Variants in GPR55 observed in about 807,000 individuals in gnomAD.
GPR55 encodes the protein G-protein coupled receptor 55.
GPR55 carries 6 observed loss-of-function variants against 7.9 expected under a neutral mutation model. That is an observed-to-expected ratio of 0.76 (90% CI 0.41 to 1.49). GPR55 has a LOEUF of 1.49. GPR55 is among the 40% of genes most tolerant of loss of function. The probability of loss-of-function intolerance (pLI) is 0.01; values close to 1 mark genes in which losing one functional copy is unlikely to be tolerated. For missense variants in GPR55, 376 were observed against 406.0 expected (o/e 0.93, Z 0.63); for synonymous variants, 183 against 166.8 (o/e 1.10, Z -0.75).
chr2:230,950,643 G>A (rs929510925), intron 1 of GPR55, among the ~76,000 whole-genome samples: 1 of 152,170 alleles, frequency 6.6e-6, no homozygotes, highest in Admixed American at 6.5e-5. Flanking sequence ...GTGGTGTTAT[G>A]ATAAGTACAC....
At chr2:230,937,078 T>G (rs1422343886) in intron 1 of GPR55, among the ~76,000 whole-genome samples, 1 of 152,056 alleles carries the variant, frequency 6.6e-6, no homozygotes, top group Non-Finnish European at 1.5e-5. Context: ...TGATTTTCAG[T>G]TGGGCTGTAC....
At chr2:230,957,633 A>T (rs1340562928) in intron 1 of GPR55, 24 of 490,922 alleles carry the variant, frequency 4.9e-5, no homozygotes, top group Non-Finnish European at 3.3e-5. Flanking sequence ...GCGAAGGGGA[A>T]GCTCTTTAAG....
chr2:230,915,930 A>C (rs1690703549), intron 1 of GPR55, among the ~76,000 whole-genome samples: 1 of 152,208 alleles, frequency 6.6e-6, no homozygotes, highest in Admixed American at 6.5e-5. Context: ...GACCTCCAAG[A>C]GATCATCACT....
rs184544093 is a variant in GPR55, at chr2:230,914,962, A to G, written c.-134-3866T>C. On this transcript the variant is annotated intron_variant, in intron 1 of 1. Transcript: ENST00000650999. ...TCTGACTCTGTGGAAGGAGAGAGGG[A>G]AGGAACAACAAGGTGGGAAGGACTT... Among the ~76,000 whole-genome samples the G allele has an allele frequency of 6.3e-3, 964 of 152,280 alleles. 9 individuals carry two copies. Among genetic ancestry groups the G allele is most frequent in the Non-Finnish European group, 9.5e-3 (646 of 68,024 alleles).
chr2:230,948,255 C>A (rs13390897), intron 1 of GPR55, among the ~76,000 whole-genome samples: 2,384 of 152,240 alleles, frequency 0.016, 61 homozygotes, highest in African/African-American at 0.055. Flanking sequence ...GCTGAGCTAT[C>A]AGCCCCTCCA....
At chr2:230,940,571 C>T (rs918472684) in intron 1 of GPR55, among the ~76,000 whole-genome samples, 3 of 152,214 alleles carry the variant, frequency 2.0e-5, no homozygotes, top group Non-Finnish European at 4.4e-5. Context: ...CCAGTCCACA[C>T]TGTGCCTCCT....
chr2:230,937,246 T>A (rs947512537), intron 1 of GPR55, among the ~76,000 whole-genome samples: 3 of 151,272 alleles, frequency 2.0e-5, no homozygotes, highest in Admixed American at 6.6e-5. Context: ...CTCTACAAAA[T>A]TTTTTTTAAT....
At chr2:230,938,284 C>T (rs921781128) in intron 1 of GPR55, among the ~76,000 whole-genome samples, 2 of 150,086 alleles carry the variant, frequency 1.3e-5, no homozygotes, top group African/African-American at 4.9e-5. Context: ...GTGAGGCCAT[C>T]AGAGTGGGCT....
intron 1 of GPR55, among the ~76,000 whole-genome samples, chr2:230,937,628 C>T (rs1188446323): frequency 6.6e-6 from 1 of 151,550 alleles, no homozygotes; most frequent in African/African-American, 2.4e-5. Context: ...GCATTTATTT[C>T]CAACAGTCAC....
chr2:230,957,670 TATTCCCTGTGCCCGGG>T (rs1466246246), intron 1 of GPR55: 3 of 544,718 alleles, frequency 5.5e-6, no homozygotes, highest in African/African-American at 1.9e-5. Flanking sequence ...GTGTTGAAAA[TATTCCCTGTGCCCGGG>T]ATTCAATATT....
rs777777123 is a variant in GPR55, at chr2:230,910,283, C to A, written c.680G>T (p.Ser227Ile). 8.7e-6 allele frequency: 14 copies of A among 1,613,860 alleles called. No homozygotes were observed. Among genetic ancestry groups the A allele is most frequent in the Non-Finnish European group, 1.2e-5 (14 of 1,179,982 alleles). ...GAAGACAGCCAGGCTGGCTGCGATG[C>A]TGTAGATGCAGGCTTTCTGCTGCAC... ...DWVQQKACIY[S>I]IAASLAVFVV... The change falls in exon 2 of 2, where the codon AGC (serine) becomes ATC (isoleucine). Residue 227 changes from serine to isoleucine, a missense_variant. Ser to Ile is a moderately radical substitution (Grantham distance 142). Coordinates refer to ENST00000650999, the MANE Select transcript of GPR55 (RefSeq NM_005683.4). This position sits in a 1 kb window ranked among gnomAD's most constrained non-coding sequence, Gnocchi z 5.4.
At chr2:230,943,242 G>A (rs1232960190) in intron 1 of GPR55, among the ~76,000 whole-genome samples, 1 of 152,132 alleles carries the variant, frequency 6.6e-6, no homozygotes, top group Non-Finnish European at 1.5e-5. Flanking sequence ...ATCTACATCC[G>A]GAGCCATCCC....
At chr2:230,959,770 G>A (rs901106027) in intron 1 of GPR55, among the ~76,000 whole-genome samples, 2 of 152,078 alleles carry the variant, frequency 1.3e-5, no homozygotes, top group East Asian at 1.9e-4. Flanking sequence ...TATTAGCAAT[G>A]CAAAAGGCCA....
chr2:230,914,682 A>G (rs577439462), intron 1 of GPR55, among the ~76,000 whole-genome samples: 3 of 152,224 alleles, frequency 2.0e-5, no homozygotes, highest in African/African-American at 7.2e-5. Flanking sequence ...GGCAGCAACT[A>G]GCACCATTTG....
chr2:230,957,525 G>A, intron 1 of GPR55: 2 of 365,006 alleles, frequency 5.5e-6, no homozygotes, highest in South Asian at 4.3e-5. Flanking sequence ...GGAGGGGCGC[G>A]GCTGGCCGGT....
At position 230,907,827 on chromosome 2, in the gene GPR55, C is replaced by G. The variant is rs1401179838; in HGVS notation, c.*2176G>C. ...GCTGGGGATGATAGTTGGTTAGGTC[C>G]ACCCACCCTTGTCTCTTAGGAAGCC... On this transcript the variant is annotated 3_prime_UTR_variant, in exon 2 of 2. Coordinates refer to ENST00000650999, the MANE Select transcript of GPR55 (RefSeq NM_005683.4). The G allele has an allele frequency of 6.6e-6, 1 of 152,234 alleles. No homozygotes were observed. Among genetic ancestry groups the G allele is most frequent in the Non-Finnish European group, 1.5e-5 (1 of 68,080 alleles). The allele number at this position is 152,234 out of a possible 1,614,324, so 9.4% of individuals were successfully genotyped here.
At chr2:230,914,606 C>G (rs1397491748) in intron 1 of GPR55, among the ~76,000 whole-genome samples, 1 of 128,058 alleles carries the variant, frequency 7.8e-6, no homozygotes, top group Non-Finnish European at 1.6e-5. Context: ...AACAGTCATC[C>G]TTCTCAAAGA....
At chr2:230,911,873 G>T (rs1306543441) in intron 1 of GPR55, among the ~76,000 whole-genome samples, 4 of 152,180 alleles carry the variant, frequency 2.6e-5, no homozygotes, top group African/African-American at 4.8e-5. Context: ...TTGCACAGGG[G>T]TGTGGTCCGA....
rs1423038039 is a variant in GPR55, at chr2:230,923,010, G to T, written c.-135+2158C>A. ...TGAGCCCGAGCACCCGGCCTGTGCT[G>T]GTTCTTAATTGCTGACTCTACACAT... On this transcript the variant is annotated intron_variant, in intron 1 of 1. Coordinates refer to ENST00000650999, the MANE Select transcript of GPR55 (RefSeq NM_005683.4). The surrounding 1 kb of genome is among the most constrained non-coding windows in gnomAD (Gnocchi z 4.1). 6.6e-6 allele frequency among the ~76,000 whole-genome samples: 1 copy of T among 152,164 alleles called. No individual in the cohort carries two copies. The highest frequency in any genetic ancestry group is 1.5e-5 in the Non-Finnish European group (1 of 68,028).
Sources: gnomAD v4.1 joint callset for allele counts (sites outside exome capture counted in the v4.1 genomes callset) on GRCh38, gnomAD v4.1.1 for gene constraint, Gnocchi (gnomAD v3.1) non-coding constraint, MANE v1.5 for transcripts, NCBI Gene and HGNC (gene_info 2026-07-23, HGNC 2026-07-21) for gene names.